SYT15B: variants seen among roughly 807,000 people sequenced by gnomAD.
SYT15B encodes synaptotagmin 15B, also known as synaptotagmin-15.
At chr10:47,761,748 TG>T in the SYT15B span, 1 of 599,632 alleles carries the variant, frequency 1.7e-6, no homozygotes, top group Non-Finnish European at 3.0e-6. Flanking sequence ...ACCCTGCCTC[TG>T]GGTTTGATCT....
At chr10:47,751,308 T>C in the SYT15B span, 3 of 110,124 alleles carry the variant, frequency 2.7e-5, no homozygotes, top group South Asian at 7.4e-4. Flanking sequence ...GGATTTTCCA[T>C]AGACAAGATT....
chr10:47,762,222 G>A, the SYT15B span, among the ~76,000 whole-genome samples: 1 of 151,996 alleles, frequency 6.6e-6, no homozygotes, highest in East Asian at 1.9e-4. Context: ...TGGACGAGGT[G>A]GGGAGGAAGA....
the SYT15B span, among the ~76,000 whole-genome samples, chr10:47,755,111 C>T: frequency 6.6e-6 from 1 of 150,890 alleles, no homozygotes; most frequent in African/African-American, 2.5e-5. Flanking sequence ...CGTGCACCAC[C>T]ACGCCTAGCT....
the SYT15B span, among the ~76,000 whole-genome samples, chr10:47,744,762 T>C: frequency 6.6e-6 from 1 of 151,854 alleles, no homozygotes; most frequent in South Asian, 2.1e-4. Flanking sequence ...TATTTACCAA[T>C]TCAAACTTGC....
At chr10:47,747,284 C>A in the SYT15B span, among the ~76,000 whole-genome samples, 1 of 152,028 alleles carries the variant, frequency 6.6e-6, no homozygotes, top group African/African-American at 2.4e-5. Flanking sequence ...GCCAAGATAT[C>A]ATGTAGAAGG....
At chr10:47,756,846 G>T in the SYT15B span, among the ~76,000 whole-genome samples, 1 of 142,866 alleles carries the variant, frequency 7.0e-6, no homozygotes, top group Non-Finnish European at 1.5e-5. Context: ...GGAGGTGCGG[G>T]CCTCACCCTG....
At chr10:47,745,922 ATGCATCTGCACAATGCAGCT>A in the SYT15B span, among the ~76,000 whole-genome samples, 1 of 151,000 alleles carries the variant, frequency 6.6e-6, no homozygotes, top group Non-Finnish European at 1.5e-5. Context: ...AGACACAGAT[ATGCATCTGCACAATGCAGCT>A]TGCCTTTTTA....
chr10:47,748,578 G>A, the SYT15B span, among the ~76,000 whole-genome samples: 13 of 152,182 alleles, frequency 8.5e-5, no homozygotes, highest in African/African-American at 3.1e-4. Flanking sequence ...GCAGCTAGAG[G>A]CAGGTAGGAG....
the SYT15B span, among the ~76,000 whole-genome samples, chr10:47,746,754 C>T: frequency 8.1e-6 from 1 of 123,866 alleles, no homozygotes; most frequent in Non-Finnish European, 1.7e-5. Context: ...GAAATGAGTG[C>T]TTATTTAAGT....
At chr10:47,747,864 CTT>C in the SYT15B span, among the ~76,000 whole-genome samples, 1 of 152,042 alleles carries the variant, frequency 6.6e-6, no homozygotes, top group Admixed American at 6.5e-5. Context: ...AAATTTAAAA[CTT>C]AAAAATACAA....
At chr10:47,755,116 C>G in the SYT15B span, among the ~76,000 whole-genome samples, 4 of 151,056 alleles carry the variant, frequency 2.6e-5, no homozygotes, top group Non-Finnish European at 5.9e-5. Flanking sequence ...ACCACCACGC[C>G]TAGCTAACTT....
the SYT15B span, among the ~76,000 whole-genome samples, chr10:47,755,694 A>T: frequency 7.0e-6 from 1 of 142,176 alleles, no homozygotes; most frequent in African/African-American, 2.6e-5. Flanking sequence ...TATTTTTAGT[A>T]GAGATGAGCG....
chr10:47,755,441 G>A, the SYT15B span, among the ~76,000 whole-genome samples: 1 of 151,350 alleles, frequency 6.6e-6, no homozygotes, highest in Non-Finnish European at 1.5e-5. Context: ...ATTTTTAGTA[G>A]AGACGTGGTT....
chr10:47,762,234 G>A, the SYT15B span, among the ~76,000 whole-genome samples: 1 of 152,048 alleles, frequency 6.6e-6, no homozygotes, highest in African/African-American at 2.4e-5. Flanking sequence ...GGAGGAAGAG[G>A]GGGCAAGGCC....
chr10:47,753,126 A>C, the SYT15B span: 1 of 980,844 alleles, frequency 1.0e-6, no homozygotes, highest in Non-Finnish European at 1.2e-6. Context: ...TAAAATAAAA[A>C]AAAAAAAGAA....
At chr10:47,756,875 C>G in the SYT15B span, among the ~76,000 whole-genome samples, 2 of 144,134 alleles carry the variant, frequency 1.4e-5, no homozygotes, top group Non-Finnish European at 1.5e-5. Flanking sequence ...GGACCCATGC[C>G]GCTGATGGAA....
chr10:47,762,828 C>T, the SYT15B span: 2 of 1,360,434 alleles, frequency 1.5e-6, 1 homozygote, highest in South Asian at 3.2e-5. Flanking sequence ...GCCCCGAGGC[C>T]GCAGTCCCGC....
the SYT15B span, among the ~76,000 whole-genome samples, chr10:47,755,239 G>A: frequency 3.6e-4 from 54 of 151,210 alleles, no homozygotes; most frequent in African/African-American, 1.3e-3. Flanking sequence ...ATAGGCGTGA[G>A]CCACCGCACC....
At chr10:47,755,124 CTT>C in the SYT15B span, among the ~76,000 whole-genome samples, 1 of 151,002 alleles carries the variant, frequency 6.6e-6, no homozygotes, top group African/African-American at 2.5e-5. Flanking sequence ...GCCTAGCTAA[CTT>C]TTGTATTTTT....
Sources: gnomAD v4.1 joint callset for allele counts (sites outside exome capture counted in the v4.1 genomes callset) on GRCh38, gnomAD v4.1.1 for gene constraint, MANE v1.5 for transcripts, NCBI Gene and HGNC (gene_info 2026-07-23, HGNC 2026-07-21) for gene names.